The following HSPA4L variants were observed in gnomAD, a reference collection of about 807,000 sequenced individuals.
HSPA4L encodes the protein heat shock protein family A (Hsp70) member 4 like, also known as heat shock 70 kDa protein 4L.
A neutral mutation model predicts 100.3 loss-of-function variants in HSPA4L; 48 were observed. The observed-to-expected ratio is 0.48, with a 90% CI of 0.38 to 0.61. HSPA4L has a LOEUF of 0.61. Ranked by LOEUF, HSPA4L falls within the 20% of genes least tolerant of loss-of-function variation. HSPA4L has a pLI of 0.00. For synonymous variants in HSPA4L, 319 were observed against 328.2 expected (o/e 0.97, Z 0.30); for missense variants, 886 against 988.6 (o/e 0.90, Z 1.39).
intron 17 of HSPA4L, among the ~76,000 whole-genome samples, chr4:127,827,948 T>C (rs1733989092): frequency 6.6e-6 from 1 of 152,166 alleles, no homozygotes; most frequent in Non-Finnish European, 1.5e-5. Flanking sequence ...TATGTAGTTA[T>C]ACAGATGATA....
At chr4:127,791,956 A>C (rs753038869) in intron 1 of HSPA4L, among the ~76,000 whole-genome samples, 7 of 152,174 alleles carry the variant, frequency 4.6e-5, no homozygotes, top group Non-Finnish European at 8.8e-5. Context: ...CTAGCAACTA[A>C]CAGTGTGCCA....
chr4:127,818,278 A>G (rs17012683), intron 12 of HSPA4L, 47 bp from the exon 13 acceptor site: 40,636 of 1,284,212 alleles, frequency 0.032, 2,688 homozygotes, highest in East Asian at 0.3. Context: ...TTTTTAAAAC[A>G]AAAAAAAGAC....
intron 11 of HSPA4L, among the ~76,000 whole-genome samples, chr4:127,809,015 T>C (rs1315322362): frequency 6.6e-6 from 1 of 152,198 alleles, no homozygotes; most frequent in Non-Finnish European, 1.5e-5. Flanking sequence ...AATTTTAAAC[T>C]TAATGTTTAC....
chr4:127,809,731 T>C (rs968337307), intron 11 of HSPA4L, among the ~76,000 whole-genome samples: 27 of 152,220 alleles, frequency 1.8e-4, no homozygotes, highest in Non-Finnish European at 1.5e-5. Context: ...GTAATCAGAC[T>C]CTGAACTGGA....
At chr4:127,801,030 C>T in intron 4 of HSPA4L, 108 bp from the exon 5 acceptor site, 2 of 674,936 alleles carry the variant, frequency 3.0e-6, no homozygotes, top group East Asian at 3.2e-5. Flanking sequence ...TTAGTTAGAA[C>T]ATCTTTATTT....
intron 1 of HSPA4L, chr4:127,783,819 G>C: frequency 1.4e-6 from 1 of 705,930 alleles, no homozygotes; most frequent in South Asian, 2.4e-5. Flanking sequence ...ATGGCAAAAA[G>C]ATGTTGAAGA....
chr4:127,826,918 G>T (rs1733963448), intron 16 of HSPA4L, among the ~76,000 whole-genome samples: 1 of 151,976 alleles, frequency 6.6e-6, no homozygotes, highest in South Asian at 2.1e-4. Flanking sequence ...TACATAGAGG[G>T]TTATATTATG....
intron 12 of HSPA4L, among the ~76,000 whole-genome samples, chr4:127,811,933 AT>A (rs1356715816): frequency 2.0e-5 from 3 of 152,226 alleles, no homozygotes; most frequent in Non-Finnish European, 2.9e-5. Flanking sequence ...CCATTAAAAC[AT>A]GTATTTTATT....
Position 127,820,413 on chromosome 4 carries a change from C to T in HSPA4L, c.1675-15C>T. On this transcript the variant is annotated splice_polypyrimidine_tract_variant and intron_variant, in intron 13 of 18. Coordinates refer to ENST00000296464, the MANE Select transcript of HSPA4L (RefSeq NM_014278.4). ...GCTAATTTTAGAAATTTATACTTCT[C>T]TTTCGGATTTGCAGTCAGCTGTCTC... The T allele has an allele frequency of 5.7e-6, 9 of 1,566,540 alleles. No homozygotes were observed. Among genetic ancestry groups the T allele is most frequent in the Non-Finnish European group, 7.7e-6 (9 of 1,163,412 alleles).
At chr4:127,820,978 T>TGA (rs1316167469) in intron 14 of HSPA4L, among the ~76,000 whole-genome samples, 1 of 152,152 alleles carries the variant, frequency 6.6e-6, no homozygotes, top group East Asian at 1.9e-4. Flanking sequence ...TTGTCATTCT[T>TGA]GACATTTTCT....
In HSPA4L at chr4:127,833,412, G is replaced by A. The variant is rs1439516048; in HGVS notation, c.*538G>A. On this transcript the variant is annotated 3_prime_UTR_variant, in exon 19 of 19. Transcript: ENST00000296464. ...CATTGATGTACCACAGAAATCCAAA[G>A]CTTTGCTGTCATCACATAAATGAAT... 6.6e-6 allele frequency: 1 copy of A among 152,396 alleles called. No homozygotes were observed. Among genetic ancestry groups the A allele is most frequent in the African/African-American group, 2.4e-5 (1 of 41,444 alleles). The allele number at this position is 152,396 out of a possible 1,614,324, so 9.4% of individuals were successfully genotyped here.
intron 2 of HSPA4L, among the ~76,000 whole-genome samples, chr4:127,795,423 G>T (rs915826940): frequency 6.6e-6 from 1 of 152,104 alleles, no homozygotes; most frequent in Non-Finnish European, 1.5e-5. Context: ...TGTTCAGCTC[G>T]TACTAATTCA....
At chr4:127,801,420 C>T (rs778994734) in intron 5 of HSPA4L, among the ~76,000 whole-genome samples, 183 bp downstream of exon 5, 1 of 151,512 alleles carries the variant, frequency 6.6e-6, no homozygotes, top group Non-Finnish European at 1.5e-5. Flanking sequence ...CAGAGCTAGA[C>T]ACAGTCTCTT....
chr4:127,813,242 G>A (rs1402494152), intron 12 of HSPA4L: 8 of 921,764 alleles, frequency 8.7e-6, no homozygotes, highest in East Asian at 4.8e-5. Flanking sequence ...GCCGAAAGGC[G>A]ATTTTCTTTT....
In HSPA4L at chr4:127,813,642, AT is replaced by A. The variant is rs1469647301; in HGVS notation, c.1578+2013del. On this transcript the variant is annotated intron_variant, in intron 12 of 18. Transcript: ENST00000296464. ...ACCAGGTGTTTATAATCATTTATCT[AT>A]TTTTTTGTTGTTGTTGTTTGAGACA... 5.3e-5 allele frequency among the ~76,000 whole-genome samples: 8 copies of A among 151,780 alleles called. No individual in the cohort carries two copies. The South Asian group carries it at 8.3e-4, about 16-fold the overall frequency.
Position 127,822,867 on chromosome 4 carries a change from T to G in HSPA4L, c.1911T>G (p.Thr637=). ...ATGATTTTAGAGACAGGCTGGGCAC[T>G]GTCTATGAAAAATTCATCACTCCAG... ...YVYDFRDRLG[T]VYEKFITPED... The change falls in exon 15 of 19, where the codon ACT becomes ACG. Residue 637 remains threonine (T), a synonymous_variant. Transcript: ENST00000296464. 6.2e-7 allele frequency: 1 copy of G among 1,613,536 alleles called. No individual in the cohort carries two copies. The highest frequency in any genetic ancestry group is 8.5e-7 in the Non-Finnish European group (1 of 1,179,724).
At chr4:127,827,479 T>C in intron 17 of HSPA4L, 55 bp downstream of exon 17, 1 of 1,596,722 alleles carries the variant, frequency 6.3e-7, no homozygotes, top group African/African-American at 1.3e-5. Context: ...GTACATAGAA[T>C]GGGGCAAATC....
chr4:127,821,062 CTGTT>C (rs1455934047), intron 14 of HSPA4L, among the ~76,000 whole-genome samples: 2 of 152,000 alleles, frequency 1.3e-5, no homozygotes, highest in Non-Finnish European at 2.9e-5. Context: ...TTACCAGTAT[CTGTT>C]TAAGAAGTAA....
intron 18 of HSPA4L, among the ~76,000 whole-genome samples, chr4:127,832,194 G>A (rs374552836): frequency 2.4e-4 from 36 of 152,032 alleles, no homozygotes; most frequent in East Asian, 9.6e-4. Context: ...TTACTTTCAC[G>A]GCACTTTTTC....
Sources: allele counts gnomAD v4.1 joint callset (sites outside exome capture counted in the v4.1 genomes callset), GRCh38; gene constraint gnomAD v4.1.1; transcripts MANE v1.5; gene names NCBI Gene and HGNC (gene_info 2026-07-23, HGNC 2026-07-21).